Variants in TMEM117 observed in about 807,000 individuals in gnomAD.
TMEM117 encodes the protein transmembrane protein 117.
TMEM117 carries 27 observed loss-of-function variants against 52.4 expected under a neutral mutation model. The observed-to-expected ratio is 0.51, with a 90% CI of 0.38 to 0.71. TMEM117 has a LOEUF of 0.71. Ranked by LOEUF, TMEM117 falls within the 30% of genes least tolerant of loss-of-function variation. TMEM117 has a pLI of 0.00. For synonymous variants in TMEM117, 215 were observed against 206.3 expected (o/e 1.04, Z -0.36); for missense variants, 556 against 630.5 (o/e 0.88, Z 1.26).
chr12:44,379,260 G>A (rs1279651674), intron 7 of TMEM117, among the ~76,000 whole-genome samples: 1 of 152,092 alleles, frequency 6.6e-6, no homozygotes, highest in Non-Finnish European at 1.5e-5. Context: ...GGAGGCTGAG[G>A]TGGGAGGATT....
At chr12:44,387,962 T>G in intron 7 of TMEM117, 64 bp from the exon 8 acceptor site, 1 of 1,382,428 alleles carries the variant, frequency 7.2e-7, no homozygotes, top group Non-Finnish European at 9.9e-7. Context: ...CTCATTTTAT[T>G]GTAGAAAACC....
rs149879172 is a variant in TMEM117, at chr12:44,331,371, C to T, written c.768+31632C>T. Among the ~76,000 whole-genome samples, 300 of 151,902 alleles carry T rather than the reference C, an allele frequency of 2.0e-3. 2 individuals are homozygous for T. The highest frequency in any genetic ancestry group is 6.8e-3 in the African/African-American group (283 of 41,442). ...CAAGAGAGGTAAGATCCTCTGAGAG[C>T]TTTGTCAGCTTTAATAACCATGGTG... is the stretch of plus-strand genomic sequence containing the variant. On this transcript the variant is annotated intron_variant, in intron 6 of 7. Coordinates refer to ENST00000266534, the MANE Select transcript of TMEM117 (RefSeq NM_032256.3).
the TMEM117 span, among the ~76,000 whole-genome samples, chr12:43,811,013 A>G: frequency 6.6e-6 from 1 of 152,214 alleles, no homozygotes; most frequent in Non-Finnish European, 1.5e-5. Context: ...ATATTGGCAC[A>G]TATGTGTTTG....
chr12:43,848,108 T>A (rs1016419166), intron 2 of TMEM117, among the ~76,000 whole-genome samples: 2 of 152,042 alleles, frequency 1.3e-5, no homozygotes, highest in African/African-American at 2.4e-5. Flanking sequence ...AAAGGTCACA[T>A]GGCAAAGGGC....
intron 3 of TMEM117, among the ~76,000 whole-genome samples, chr12:44,047,183 ATATAGT>A (rs1433478134): frequency 2.0e-5 from 3 of 152,078 alleles, no homozygotes; most frequent in Non-Finnish European, 4.4e-5. Flanking sequence ...GCCCCGACTA[ATATAGT>A]TATATTAGAT....
intron 3 of TMEM117, among the ~76,000 whole-genome samples, chr12:44,128,079 C>G (rs1332778469): frequency 6.6e-6 from 1 of 152,152 alleles, no homozygotes; most frequent in African/African-American, 2.4e-5. Flanking sequence ...CATTTCAGTT[C>G]TCATTTCAAG....
intron 3 of TMEM117, among the ~76,000 whole-genome samples, chr12:44,007,617 T>C (rs1946220227): frequency 1.3e-5 from 2 of 152,058 alleles, no homozygotes; most frequent in Admixed American, 6.6e-5. Flanking sequence ...CTAAATAGTA[T>C]TGATATGGTT....
At chr12:44,015,895 G>A (rs1946366704) in intron 3 of TMEM117, among the ~76,000 whole-genome samples, 2 of 152,064 alleles carry the variant, frequency 1.3e-5, no homozygotes, top group African/African-American at 4.8e-5. Context: ...AGATATAATG[G>A]GATTTAAGAA....
At chr12:44,172,133 T>G (rs1486046661) in intron 4 of TMEM117, among the ~76,000 whole-genome samples, 2 of 152,254 alleles carry the variant, frequency 1.3e-5, no homozygotes, top group African/African-American at 4.8e-5. Context: ...GGAAAGCCAC[T>G]GGAGAGGATT....
At chr12:44,071,603 C>A (rs1436497426) in intron 3 of TMEM117, among the ~76,000 whole-genome samples, 1 of 152,006 alleles carries the variant, frequency 6.6e-6, no homozygotes, top group Non-Finnish European at 1.5e-5. Flanking sequence ...AGTATTCAAC[C>A]AAAAACAGAT....
chr12:44,143,641 T>G lies in TMEM117; in HGVS notation c.510+17T>G. ...GCTTGGATGGTAAGAAAATTTTAAC[T>G]TCACCCATTTCAAACATCAAACGGA... is the stretch of plus-strand genomic sequence containing the variant. On this transcript the variant is annotated intron_variant, in intron 4 of 7. Coordinates refer to ENST00000266534, the MANE Select transcript of TMEM117 (RefSeq NM_032256.3). 1 of 1,571,662 alleles carries G rather than the reference T, an allele frequency of 6.4e-7. No homozygotes were observed.
At chr12:43,829,106 T>C in the TMEM117 span, among the ~76,000 whole-genome samples, 2 of 152,208 alleles carry the variant, frequency 1.3e-5, no homozygotes, top group African/African-American at 2.4e-5. Flanking sequence ...GTTTCTGTGC[T>C]GCTCCTCATT....
intron 5 of TMEM117, among the ~76,000 whole-genome samples, chr12:44,235,013 C>CT (rs1949978480): frequency 6.6e-6 from 1 of 151,482 alleles, no homozygotes; most frequent in Non-Finnish European, 1.5e-5. Context: ...GTGTCTACTT[C>CT]TTTTAGTTAC....
chr12:44,328,251 G>C (rs1444668709), intron 6 of TMEM117, among the ~76,000 whole-genome samples: 2 of 152,128 alleles, frequency 1.3e-5, no homozygotes, highest in Non-Finnish European at 2.9e-5. Flanking sequence ...CTCCTTGAAG[G>C]CACAGCCATC....
At chr12:44,261,656 G>A (rs1950322124) in intron 5 of TMEM117, among the ~76,000 whole-genome samples, 1 of 152,160 alleles carries the variant, frequency 6.6e-6, no homozygotes, top group Non-Finnish European at 1.5e-5. Flanking sequence ...TGGAAGGTAC[G>A]ATGGTGTTGA....
At chr12:43,950,075 A>G (rs563269024) in intron 3 of TMEM117, among the ~76,000 whole-genome samples, 5 of 152,290 alleles carry the variant, frequency 3.3e-5, no homozygotes, top group Admixed American at 1.3e-4. Context: ...TTAGTGAAAA[A>G]AATCATATTG....
the TMEM117 span, among the ~76,000 whole-genome samples, chr12:43,813,318 A>G: frequency 1.5e-5 from 2 of 132,344 alleles, no homozygotes; most frequent in African/African-American, 5.8e-5. Context: ...ATCTCGGCTC[A>G]CTGTAACCTC....
At chr12:44,176,940 G>T (rs1949123785) in intron 4 of TMEM117, among the ~76,000 whole-genome samples, 1 of 152,056 alleles carries the variant, frequency 6.6e-6, no homozygotes, top group Non-Finnish European at 1.5e-5. Flanking sequence ...GTTTGGTACA[G>T]TATTATATCA....
chr12:44,201,543 G>C (rs968520271), intron 4 of TMEM117, among the ~76,000 whole-genome samples: 11 of 152,094 alleles, frequency 7.2e-5, no homozygotes, highest in African/African-American at 2.4e-4. Flanking sequence ...AGTAAACTTA[G>C]CAAAATTATT....
Sources: gnomAD v4.1 joint callset for allele counts (sites outside exome capture counted in the v4.1 genomes callset) on GRCh38, gnomAD v4.1.1 for gene constraint, MANE v1.5 for transcripts, NCBI Gene and HGNC (gene_info 2026-07-23, HGNC 2026-07-21) for gene names.